Variants in PNO1 observed in about 807,000 individuals in gnomAD.
The protein encoded by PNO1 is RNA-binding protein PNO1.
Under a neutral mutation model 28.4 loss-of-function variants are expected in PNO1, and 16 were observed. The ratio of observed to expected loss-of-function variants is 0.56; its 90% CI spans 0.38 to 0.85. The LOEUF is 0.85. Ranked by LOEUF, PNO1 falls within the 40% of genes least tolerant of loss-of-function variation. PNO1 has a pLI of 0.00. For synonymous variants in PNO1, 115 were observed against 110.8 expected (o/e 1.04, Z -0.24); for missense variants, 304 against 312.2 (o/e 0.97, Z 0.20).
chr2:68,166,065 C>T (rs570689867), intron 5 of PNO1, among the ~76,000 whole-genome samples: 1 of 152,310 alleles, frequency 6.6e-6, no homozygotes, highest in South Asian at 2.1e-4. Context: ...AATGGAAATA[C>T]ACAGTATGTA....
chr2:68,166,824 G>C (rs541952022), intron 5 of PNO1, among the ~76,000 whole-genome samples: 2 of 152,066 alleles, frequency 1.3e-5, no homozygotes, highest in African/African-American at 4.8e-5. Context: ...CTCATCACCC[G>C]GCACTGCTTC....
chr2:68,173,043 A>G (rs1202744302), intron 5 of PNO1: 2 of 239,894 alleles, frequency 8.3e-6, no homozygotes, highest in African/African-American at 4.6e-5. Flanking sequence ...TTTTTGGAGT[A>G]CAGGACTTAG....
intron 5 of PNO1, among the ~76,000 whole-genome samples, chr2:68,172,906 G>A (rs1474672107): frequency 1.3e-5 from 2 of 151,806 alleles, no homozygotes; most frequent in Non-Finnish European, 2.9e-5. Flanking sequence ...TTTTTTATTG[G>A]GATACAATTC....
At chr2:68,170,640 T>C (rs974994015) in intron 5 of PNO1, among the ~76,000 whole-genome samples, 3 of 144,788 alleles carry the variant, frequency 2.1e-5, no homozygotes, top group Non-Finnish European at 3.0e-5. Flanking sequence ...CCCAGTTACT[T>C]GGGAGGCTGA....
chr2:68,174,748 C>G lies in PNO1; in HGVS notation c.705C>G (p.Ser235=). 1 of 1,606,606 alleles carries G rather than the reference C, an allele frequency of 6.2e-7. No homozygotes were observed. Among genetic ancestry groups the G allele is most frequent in the South Asian group, 1.1e-5 (1 of 90,706 alleles). ...ICNLILGNPP[S]KVYGNIRAVA... is the part of the protein sequence containing the mutation. ...TCCCCTTTGCAGGAAATCCTCCTTC[C>G]AAGGTTTATGGCAATATTCGAGCTG... Residue 235 remains serine (S), a synonymous_variant, in exon 7 of 7, where the codon TCC becomes TCG. Coordinates refer to ENST00000263657, the MANE Select transcript of PNO1 (RefSeq NM_020143.4).
At chr2:68,173,650 T>G (rs898716953) in intron 6 of PNO1, among the ~76,000 whole-genome samples, 6 of 146,476 alleles carry the variant, frequency 4.1e-5, no homozygotes, top group Non-Finnish European at 7.4e-5. Context: ...TGGTGCGATC[T>G]CGGCTCACTG....
intron 6 of PNO1, among the ~76,000 whole-genome samples, chr2:68,173,910 AT>A (rs1674199936): frequency 1.3e-5 from 2 of 152,222 alleles, no homozygotes; most frequent in South Asian, 4.1e-4. Context: ...CTTAGATTCC[AT>A]TTGTCTGCAA....
At chr2:68,164,207 T>A (rs1420935378) in intron 5 of PNO1, among the ~76,000 whole-genome samples, 2 of 152,186 alleles carry the variant, frequency 1.3e-5, no homozygotes, top group African/African-American at 4.8e-5. Flanking sequence ...TTTAAAAATA[T>A]GGCCAAGCAT....
chr2:68,161,100 AG>A (rs1473826370), intron 2 of PNO1: 1 of 421,260 alleles, frequency 2.4e-6, no homozygotes, highest in Non-Finnish European at 4.9e-6. Flanking sequence ...TGTTATTTAT[AG>A]TACGTGTTAT....
chr2:68,158,167 C>T (rs753294751), intron 1 of PNO1, 26 bp downstream of exon 1: 1 of 1,554,944 alleles, frequency 6.4e-7, no homozygotes, highest in South Asian at 1.2e-5. Flanking sequence ...CCTAGGACAG[C>T]AACGAGGCAA....
intron 5 of PNO1, among the ~76,000 whole-genome samples, chr2:68,169,709 C>T (rs563729771): frequency 1.1e-4 from 17 of 152,208 alleles, no homozygotes; most frequent in Middle Eastern, 3.4e-3. Context: ...GTATATTTTA[C>T]GGTAGTAAAT....
At chr2:68,158,899 A>AT (rs1673752850) in intron 2 of PNO1, among the ~76,000 whole-genome samples, 1 of 152,250 alleles carries the variant, frequency 6.6e-6, no homozygotes, top group South Asian at 2.1e-4. Flanking sequence ...AGCGTCGGGA[A>AT]TATGTTCTGG....
In PNO1 at chr2:68,161,104, C is replaced by CG. The variant is rs1187147253; in HGVS notation, c.358-578dup. ...TGTGTAAAGCATGTTATTTATAGTA[C>CG]GTGTTATTTACAGTGGTAGGCTTTT... On this transcript the variant is annotated intron_variant, in intron 2 of 6. Coordinates refer to ENST00000263657, the MANE Select transcript of PNO1 (RefSeq NM_020143.4). 1.2e-4 allele frequency: 50 copies of CG among 427,598 alleles called. 1 individual carries two copies. The Admixed American group carries it at 1.4e-3, about 12-fold the overall frequency. The allele number at this position is 427,598 out of a possible 1,614,324, so 26.5% of individuals were successfully genotyped here.
At position 68,161,592 on chromosome 2, in the gene PNO1, A is replaced by G. The variant is rs985338971; in HGVS notation, c.358-91A>G. 13 of 815,322 alleles carry G rather than the reference A, an allele frequency of 1.6e-5. No individual in the cohort carries two copies. The African/African-American group carries it at 1.7e-4, about 11-fold the overall frequency. The allele number at this position is 815,322 out of a possible 1,614,324, so 50.5% of individuals were successfully genotyped here. ...AAGGTGGTGGTGAAGGAAATTCTCC[A>G]ATAATGGGAAAGGACATTTCCAGTA... On this transcript the variant is annotated intron_variant, in intron 2 of 6. Coordinates refer to ENST00000263657, the MANE Select transcript of PNO1 (RefSeq NM_020143.4).
intron 6 of PNO1, 45 bp from the exon 7 acceptor site, chr2:68,174,690 A>T (rs761636168): frequency 7.4e-7 from 1 of 1,349,982 alleles, no homozygotes; most frequent in South Asian, 1.2e-5. Context: ...TAGGCGCTAT[A>T]AATGTGAGTT....
intron 5 of PNO1, among the ~76,000 whole-genome samples, chr2:68,165,377 A>AAAC (rs562067446): frequency 1.8e-3 from 114 of 61,798 alleles, no homozygotes; most frequent in African/African-American, 6.3e-3. Flanking sequence ...AAAAAAAAAA[A>AAAC]AACAACAAAA....
At chr2:68,169,579 G>A (rs187222245) in intron 5 of PNO1, among the ~76,000 whole-genome samples, 1 of 152,278 alleles carries the variant, frequency 6.6e-6, no homozygotes, top group Admixed American at 6.5e-5. Flanking sequence ...ATTTTATGGA[G>A]TTATGATTTA....
At chr2:68,160,186 G>C (rs564517069) in intron 2 of PNO1, among the ~76,000 whole-genome samples, 3 of 151,684 alleles carry the variant, frequency 2.0e-5, no homozygotes, top group Non-Finnish European at 4.4e-5. Flanking sequence ...AGCCAGGATG[G>C]TCTTGATCTC....
chr2:68,168,830 G>T (rs1260800916), intron 5 of PNO1, among the ~76,000 whole-genome samples: 2 of 151,364 alleles, frequency 1.3e-5, no homozygotes. Flanking sequence ...TTTTACAATG[G>T]TCCTATGGTA....
Sources: allele counts gnomAD v4.1 joint callset (sites outside exome capture counted in the v4.1 genomes callset), GRCh38; gene constraint gnomAD v4.1.1; transcripts MANE v1.5; gene names NCBI Gene and HGNC (gene_info 2026-07-23, HGNC 2026-07-21).